Variants in PDS5B observed in about 807,000 individuals in gnomAD.
PDS5B encodes the protein sister chromatid cohesion protein PDS5 homolog B.
A neutral mutation model predicts 184.1 loss-of-function variants in PDS5B; 51 were observed. The ratio of observed to expected loss-of-function variants is 0.28; its 90% CI spans 0.22 to 0.35. The LOEUF (loss-of-function observed/expected upper bound fraction) is 0.35, where lower values mean the gene tolerates loss of function less well. Among genes scored for constraint, PDS5B ranks in the 10% least tolerant of loss-of-function variants. The pLI, the probability that PDS5B is intolerant of heterozygous loss-of-function variation, is 1.00. For synonymous variants in PDS5B, 566 were observed against 569.2 expected, an observed-to-expected ratio of 0.99 and a Z score of 0.08; for missense variants, 1,180 against 1,723.3, an observed-to-expected ratio of 0.68 and a Z score of 5.58.
Position 32,746,056 on chromosome 13 carries a change from A to G in PDS5B, c.2692A>G (p.Ile898Val), listed in dbSNP as rs1341398463. 2 of 1,613,610 alleles carry G rather than the reference A, an allele frequency of 1.2e-6. No individual in the cohort carries two copies. The highest frequency in any genetic ancestry group is 1.6e-4 in the Middle Eastern group (1 of 6,062). The stretch of plus-strand genomic sequence containing the variant: ...GGCACAAGAACCCTGTTACCATGAA[A>G]TCATCACATTAGAACAATATCAGCT... ...KLAQEPCYHE[I>V]ITLEQYQLCA... The change falls in exon 24 of 35, where the codon ATC becomes GTC. Residue 898 changes from isoleucine (I) to valine (V), a missense_variant. Ile to Val is a conservative substitution (Grantham distance 29, BLOSUM62 3). This residue lies in a region of PDS5B where 40 missense variants were observed against 107.2 expected (regional missense o/e 0.37). Transcript: ENST00000315596.
At chr13:32,639,758 A>G (rs142340797) in intron 1 of PDS5B, among the ~76,000 whole-genome samples, 3 of 152,362 alleles carry the variant, frequency 2.0e-5, no homozygotes, top group Non-Finnish European at 2.9e-5. Flanking sequence ...TTCTGTAGTT[A>G]TATCAGACTC....
intron 6 of PDS5B, among the ~76,000 whole-genome samples, chr13:32,662,503 G>A (rs1257261229): frequency 6.6e-6 from 1 of 152,048 alleles, no homozygotes; most frequent in African/African-American, 2.4e-5. Flanking sequence ...ATGTATTTTA[G>A]TGATTATAAA....
At chr13:32,647,483 C>G (rs1950256834) in intron 1 of PDS5B, among the ~76,000 whole-genome samples, 2 of 152,250 alleles carry the variant, frequency 1.3e-5, no homozygotes, top group South Asian at 4.1e-4. Flanking sequence ...GTTGCCCAGG[C>G]TGTTCTTAAA....
intron 2 of PDS5B, 193 bp downstream of exon 2, chr13:32,649,073 G>A (rs1300006213): frequency 4.2e-6 from 2 of 479,018 alleles, no homozygotes; most frequent in Non-Finnish European, 7.4e-6. Flanking sequence ...TAAAGGGACA[G>A]CAATTAGGTG....
chr13:32,717,837 A>G (rs1952524021), intron 19 of PDS5B, among the ~76,000 whole-genome samples: 1 of 151,746 alleles, frequency 6.6e-6, no homozygotes, highest in Non-Finnish European at 1.5e-5. Flanking sequence ...GAAAGCACTC[A>G]TTTTCTTTAC....
intron 31 of PDS5B, among the ~76,000 whole-genome samples, chr13:32,767,394 T>G (rs1433281463): frequency 6.6e-6 from 1 of 152,158 alleles, no homozygotes; most frequent in Non-Finnish European, 1.5e-5. Context: ...TAAAAATTGC[T>G]CTAGAATGTT....
chr13:32,627,732 A>G (rs770969869), intron 1 of PDS5B, among the ~76,000 whole-genome samples: 69 of 152,354 alleles, frequency 4.5e-4, no homozygotes, highest in Non-Finnish European at 7.2e-4. Context: ...CTGCAAGTAC[A>G]TGATATAGTA....
intron 19 of PDS5B, among the ~76,000 whole-genome samples, chr13:32,718,340 C>T (rs146472819): frequency 1.1e-3 from 167 of 152,122 alleles, no homozygotes; most frequent in African/African-American, 1.7e-3. Context: ...TTAATAGAGA[C>T]GGGGTTTCGC....
At chr13:32,607,471 A>C (rs1427680113) in intron 1 of PDS5B, among the ~76,000 whole-genome samples, 2 of 152,166 alleles carry the variant, frequency 1.3e-5, no homozygotes, top group Admixed American at 6.5e-5. Context: ...GTCGGCCCCT[A>C]CTGGGAGGTG....
chr13:32,658,402 T>C (rs1950570019), intron 4 of PDS5B, 32 bp from the exon 5 acceptor site: 3 of 1,454,210 alleles, frequency 2.1e-6, no homozygotes, highest in Admixed American at 3.7e-5. Context: ...ATCAAAATGC[T>C]TAACTTTCAC....
chr13:32,607,208 C>G (rs2058073291), intron 1 of PDS5B, among the ~76,000 whole-genome samples: 2 of 152,164 alleles, frequency 1.3e-5, no homozygotes, highest in Non-Finnish European at 2.9e-5. Flanking sequence ...TACCTTTGGT[C>G]TTTGATGATG....
intron 17 of PDS5B, among the ~76,000 whole-genome samples, chr13:32,704,549 A>G (rs1951952129): frequency 2.0e-5 from 3 of 152,244 alleles, no homozygotes; most frequent in African/African-American, 7.2e-5. Flanking sequence ...GGCACATGGT[A>G]GATAGTTGTA....
chr13:32,595,323 T>A (rs1220596543), intron 1 of PDS5B, among the ~76,000 whole-genome samples: 1 of 152,142 alleles, frequency 6.6e-6, no homozygotes, highest in African/African-American at 2.4e-5. Flanking sequence ...AAGGTTATTA[T>A]TATTTTAAAT....
chr13:32,665,136 A>G (rs1953817443), intron 6 of PDS5B, among the ~76,000 whole-genome samples: 2 of 152,180 alleles, frequency 1.3e-5, no homozygotes, highest in Non-Finnish European at 1.5e-5. Flanking sequence ...CAAGTTATCA[A>G]AGGGGGAATA....
intron 19 of PDS5B, among the ~76,000 whole-genome samples, chr13:32,719,371 C>A (rs889603004): frequency 1.3e-5 from 2 of 152,008 alleles, no homozygotes; most frequent in East Asian, 3.9e-4. Flanking sequence ...TTTGTAGAGA[C>A]AGGGTTTTGC....
intron 1 of PDS5B, among the ~76,000 whole-genome samples, chr13:32,616,359 C>T (rs990800793): frequency 1.3e-5 from 2 of 151,790 alleles, no homozygotes; most frequent in East Asian, 3.9e-4. Context: ...CTGGCCCCTC[C>T]CGTCTCTTTA....
chr13:32,609,039 T>TA (rs1049824114), intron 1 of PDS5B, among the ~76,000 whole-genome samples: 21 of 152,364 alleles, frequency 1.4e-4, no homozygotes, highest in African/African-American at 4.3e-4. Context: ...GCTAGGTTGA[T>TA]ACAATACAAA....
intron 1 of PDS5B, among the ~76,000 whole-genome samples, chr13:32,594,204 G>A (rs2057820685): frequency 1.3e-5 from 2 of 152,172 alleles, no homozygotes; most frequent in Non-Finnish European, 2.9e-5. Context: ...GGATAAGCCA[G>A]GTCAAATGCT....
At chr13:32,634,994 A>T (rs1233475784) in intron 1 of PDS5B, among the ~76,000 whole-genome samples, 1 of 143,548 alleles carries the variant, frequency 7.0e-6, no homozygotes, top group East Asian at 2.0e-4. Flanking sequence ...AATATTTCTT[A>T]CTGCCTCTTT....
Sources: allele counts gnomAD v4.1 joint callset (sites outside exome capture counted in the v4.1 genomes callset), GRCh38; gene constraint gnomAD v4.1.1; regional missense constraint gnomAD v4.1.1; transcripts MANE v1.5; gene names NCBI Gene and HGNC (gene_info 2026-07-23, HGNC 2026-07-21).